The following OSTM1 variants were observed in gnomAD, a reference collection of about 807,000 sequenced individuals.
The protein encoded by OSTM1 is osteoclastogenesis associated transmembrane protein 1, also known as osteopetrosis-associated transmembrane protein 1.
OSTM1 carries 26 observed loss-of-function variants against 35.4 expected under a neutral mutation model. The ratio of observed to expected loss-of-function variants is 0.73; its 90% confidence interval spans 0.54 to 1.02. OSTM1 has a LOEUF of 1.02. Ranked by LOEUF, OSTM1 falls within the 50% of genes least tolerant of loss-of-function variation. The probability of loss-of-function intolerance (pLI) is 0.00; values close to 1 mark genes in which losing one functional copy is unlikely to be tolerated. For missense variants in OSTM1, 366 were observed against 409.6 expected, an observed-to-expected ratio of 0.89 and a Z score of 0.92; for synonymous variants, 181 against 165.0, an observed-to-expected ratio of 1.10 and a Z score of -0.75.
intron 3 of OSTM1, among the ~76,000 whole-genome samples, chr6:108,053,279 T>C: frequency 6.6e-6 from 1 of 152,216 alleles, no homozygotes; most frequent in East Asian, 1.9e-4. Context: ...TTAATATTTT[T>C]GGACTGCAGT....
chr6:108,054,822 C>T (rs1169360801), intron 2 of OSTM1, among the ~76,000 whole-genome samples: 1 of 152,028 alleles, frequency 6.6e-6, no homozygotes. Flanking sequence ...TAAAAATATA[C>T]CAAATAAAAT....
chr6:108,054,812 T>C (rs1016924040), intron 2 of OSTM1, among the ~76,000 whole-genome samples: 1 of 152,204 alleles, frequency 6.6e-6, no homozygotes, highest in Non-Finnish European at 1.5e-5. Flanking sequence ...TCTCTTTTCA[T>C]AAAAATATAC....
At chr6:108,048,530 A>G (rs1045200636) in intron 5 of OSTM1, among the ~76,000 whole-genome samples, 1 of 152,154 alleles carries the variant, frequency 6.6e-6, no homozygotes, top group African/African-American at 2.4e-5. Flanking sequence ...ATTTGTTCAC[A>G]AACAAACTGT....
intron 2 of OSTM1, among the ~76,000 whole-genome samples, chr6:108,061,555 T>C (rs1222519722): frequency 1.3e-5 from 2 of 152,138 alleles, no homozygotes; most frequent in African/African-American, 2.4e-5. Context: ...AGACAGGGTC[T>C]TGCTCTGTTG....
intron 2 of OSTM1, among the ~76,000 whole-genome samples, chr6:108,060,283 C>G (rs954231926): frequency 2.0e-5 from 3 of 152,102 alleles, no homozygotes; most frequent in Non-Finnish European, 4.4e-5. Flanking sequence ...AGATAGGATG[C>G]CTCACAGAAG....
In OSTM1 at chr6:108,043,914, T is replaced by C. The variant is rs1440085355; in HGVS notation, c.*871A>G. ...TGTCTCTCTTCTCCAAAATCCTCTA[T>C]ATATCTTAAGAAGAAAATATTCCTT... On this transcript the variant is annotated 3_prime_UTR_variant, in exon 6 of 6. Transcript: ENST00000193322. The C allele has an allele frequency of 1.3e-5, 2 of 152,410 alleles. No individual in the cohort carries two copies. Among genetic ancestry groups the C allele is most frequent in the Non-Finnish European group, 2.9e-5 (2 of 68,028 alleles). 9.4% of individuals were successfully genotyped at this position (152,410 alleles called of 1,614,324 possible).
At position 108,066,403 on chromosome 6, in the gene OSTM1, A is replaced by G. The variant is rs866946766; in HGVS notation, c.403-2104T>C. On this transcript the variant is annotated intron_variant, in intron 1 of 5. Transcript: ENST00000193322. ...CTTATTTAATCCTCATAACAACTCT[A>G]TGAAATAGGTAGTGTTAGCTGGGTA... Among the ~76,000 whole-genome samples the G allele has an allele frequency of 2.0e-5, 3 of 152,270 alleles. No individual in the cohort carries two copies. The South Asian group carries it at 6.2e-4, about 32-fold the overall frequency.
At chr6:108,048,675 C>G (rs1461567210) in intron 5 of OSTM1, among the ~76,000 whole-genome samples, 1 of 151,392 alleles carries the variant, frequency 6.6e-6, no homozygotes, top group African/African-American at 2.4e-5. Flanking sequence ...TGTTATTCTT[C>G]TGTTGTTGCC....
At chr6:108,058,231 T>C (rs1190533858) in intron 2 of OSTM1, among the ~76,000 whole-genome samples, 2 of 152,084 alleles carry the variant, frequency 1.3e-5, no homozygotes, top group Non-Finnish European at 2.9e-5. Flanking sequence ...ACAGGAATTA[T>C]GCATCTTTAA....
In OSTM1 at chr6:108,041,499, G is replaced by A. The variant is rs907709502; in HGVS notation, c.*3286C>T. 1 of 152,086 alleles carries A rather than the reference G, an allele frequency of 6.6e-6. No homozygotes were observed. Among genetic ancestry groups the A allele is most frequent in the Admixed American group, 6.6e-5 (1 of 15,264 alleles). 9.4% of individuals were successfully genotyped at this position (152,086 alleles called of 1,614,324 possible). On this transcript the variant is annotated 3_prime_UTR_variant, in exon 6 of 6. Coordinates refer to ENST00000193322, the MANE Select transcript of OSTM1 (RefSeq NM_014028.4). ...ACATGTATGACTAATATTTATTATAGCTAATATAATAGTTTAGAACAAGGA... is the reference window on the plus strand; with the variant it reads ...ACATGTATGACTAATATTTATTATAACTAATATAATAGTTTAGAACAAGGA...
chr6:108,048,068 C>T (rs570267956), intron 5 of OSTM1, among the ~76,000 whole-genome samples: 2 of 152,154 alleles, frequency 1.3e-5, no homozygotes, highest in African/African-American at 4.8e-5. Flanking sequence ...ACACCCATGA[C>T]AAAGACTCTC....
At chr6:108,068,647 CACT>C (rs766667435) in intron 1 of OSTM1, among the ~76,000 whole-genome samples, 3 of 152,082 alleles carry the variant, frequency 2.0e-5, no homozygotes, top group African/African-American at 4.8e-5. Flanking sequence ...GCCTAGACAC[CACT>C]GTCTCTCACA....
intron 2 of OSTM1, among the ~76,000 whole-genome samples, chr6:108,060,325 A>ATT (rs956625861): frequency 1.3e-5 from 2 of 152,182 alleles, no homozygotes; most frequent in Admixed American, 6.5e-5. Flanking sequence ...ATTCTAAAGC[A>ATT]TTTTATACCT....
intron 1 of OSTM1, 29 bp downstream of exon 1, chr6:108,074,221 C>G (rs751516419): frequency 2.5e-6 from 4 of 1,609,108 alleles, no homozygotes; most frequent in Non-Finnish European, 3.4e-6. Flanking sequence ...TCTCCTGAGC[C>G]ACAGTCCCGG....
At chr6:108,056,141 T>TAA (rs1772166314) in intron 2 of OSTM1, among the ~76,000 whole-genome samples, 1 of 152,240 alleles carries the variant, frequency 6.6e-6, no homozygotes, top group African/African-American at 2.4e-5. Context: ...TAACACTTAC[T>TAA]AAATACTTGC....
chr6:108,074,641 C>A lies in OSTM1; in HGVS notation c.11G>T (p.Gly4Val). ...ACACCTCCGCTGCGCGGCTGTCGGG[C>A]CCGGCTCCATCACCGGGCTCACACA... MEP[G>V]PTAAQRRCSL... The change falls in exon 1 of 6, where the codon GGC becomes GTC. Residue 4 changes from glycine (G) to valine (V), a missense_variant. Gly to Val is a moderately radical substitution (Grantham distance 109, BLOSUM62 -3). This residue lies in a region of OSTM1 where 236 missense variants were observed against 239.3 expected (regional missense o/e 0.99). Transcript: ENST00000193322. 1 of 1,548,922 alleles carries A rather than the reference C, an allele frequency of 6.5e-7. No homozygotes were observed. Among genetic ancestry groups the A allele is most frequent in the South Asian group, 1.2e-5 (1 of 85,288 alleles).
chr6:108,065,117 C>T (rs1772354081), intron 1 of OSTM1, among the ~76,000 whole-genome samples: 1 of 152,020 alleles, frequency 6.6e-6, no homozygotes, highest in African/African-American at 2.4e-5. Context: ...CCTCGGCCTC[C>T]CAAAGTGCTG....
chr6:108,044,631 G>T lies in OSTM1; in HGVS notation c.*154C>A. ...TGTTAGAAAGAAGTGGAAAAGGAAA[G>T]AAAAATCGAAAATTCTTATTTAAAA... On this transcript the variant is annotated 3_prime_UTR_variant, in exon 6 of 6. Coordinates refer to ENST00000193322, the MANE Select transcript of OSTM1 (RefSeq NM_014028.4). 2.0e-6 allele frequency: 1 copy of T among 509,302 alleles called. No homozygotes were observed. The highest frequency in any genetic ancestry group is 3.5e-6 in the Non-Finnish European group (1 of 283,360). The allele number at this position is 509,302 out of a possible 1,614,324, so 31.5% of individuals were successfully genotyped here. A position where few individuals can be genotyped will look rare whatever the true frequency, so the allele number is the denominator to read the frequency against.
At chr6:108,052,626 G>A (rs575520544) in intron 3 of OSTM1, among the ~76,000 whole-genome samples, 1 of 149,764 alleles carries the variant, frequency 6.7e-6, no homozygotes, top group African/African-American at 2.5e-5. Flanking sequence ...TGGGATTACA[G>A]GCAGGTGCCA....
Sources: gnomAD v4.1 joint callset for allele counts (sites outside exome capture counted in the v4.1 genomes callset) on GRCh38, gnomAD v4.1.1 for gene constraint, gnomAD v4.1.1 regional missense constraint, MANE v1.5 for transcripts, NCBI Gene and HGNC (gene_info 2026-07-23, HGNC 2026-07-21) for gene names.